Variants in SETD1A observed in about 807,000 individuals in gnomAD.
The protein encoded by SETD1A is SET domain containing 1A, histone lysine methyltransferase.
SETD1A carries 29 observed loss-of-function variants against 149.9 expected under a neutral mutation model. The ratio of observed to expected loss-of-function variants is 0.19; its 90% CI spans 0.14 to 0.26. The LOEUF is 0.26. Ranked by LOEUF, SETD1A falls within the 10% of genes least tolerant of loss-of-function variation. The pLI, the probability that SETD1A is intolerant of heterozygous loss-of-function variation, is 1.00. For missense variants in SETD1A, 2,109 were observed against 2,353.1 expected (o/e 0.90, Z 2.15); for synonymous variants, 1,141 against 968.5 (o/e 1.18, Z -3.31).
In SETD1A at chr16:30,961,069, C is replaced by T. The variant is rs1410521420; in HGVS notation, c.247-198C>T. Among the ~76,000 whole-genome samples the T allele has an allele frequency of 2.0e-5, 3 of 151,996 alleles. No homozygotes were observed. The highest frequency in any genetic ancestry group is 7.3e-5 in the African/African-American group (3 of 41,366). ...AGTTTGCACATTTCTGTTCTTAATT[C>T]TTGCTGTTATTCTGTGGTGAGAAGA... On this transcript the variant is annotated intron_variant, in intron 3 of 18. Transcript: ENST00000262519. This position sits in a 1 kb window ranked among gnomAD's most constrained non-coding sequence, Gnocchi z 4.0.
At chr16:30,974,795 T>A (rs2056264676) in intron 13 of SETD1A, among the ~76,000 whole-genome samples, 1 of 151,626 alleles carries the variant, frequency 6.6e-6, no homozygotes, top group Non-Finnish European at 1.5e-5. Flanking sequence ...TCACTTGACG[T>A]CAGGAGTTCG....
chr16:30,976,441 G>A (rs756054935), intron 13 of SETD1A, among the ~76,000 whole-genome samples: 1 of 152,184 alleles, frequency 6.6e-6, no homozygotes, highest in Non-Finnish European at 1.5e-5. Context: ...AGTGAGGGGA[G>A]AAGAGGCTGC....
chr16:30,966,974 T>C lies in SETD1A; in HGVS notation c.2596T>C (p.Trp866Arg), dbSNP rs201166624. 6.3e-7 allele frequency: 1 copy of C among 1,592,448 alleles called. No homozygotes were observed. Among genetic ancestry groups the C allele is most frequent in the East Asian group, 2.3e-5 (1 of 44,078 alleles). Residue 866 changes from tryptophan to arginine, a missense_variant, in exon 9 of 19, where the codon TGG becomes CGG. This residue lies in a region of SETD1A where 832 missense variants were observed against 815.6 expected (regional missense o/e 1.02). Transcript: ENST00000262519. The stretch of plus-strand genomic sequence containing the variant: ...GCCTGGCCTGCTGTCCCTCGTGGAC[T>C]GGGCCAAGAGCGGGGGCACTACGGG... ...KEPGLLSLVD[W>R]AKSGGTTGIE...
chr16:30,980,390 A>C lies in SETD1A; in HGVS notation c.4409-95A>C. 6.7e-7 allele frequency: 1 copy of C among 1,494,056 alleles called. No individual in the cohort carries two copies. Among genetic ancestry groups the C allele is most frequent in the Middle Eastern group, 2.0e-4 (1 of 5,060 alleles). The allele number at this position is 1,494,056 out of a possible 1,614,324, so 92.5% of individuals were successfully genotyped here. Reference sequence around the variant, plus strand: ...GCTGGGGCTTCCTCCCCTGTCCCTCACCTGGGTATGCTCAGCGGCGTGGGC... The same window carrying C: ...GCTGGGGCTTCCTCCCCTGTCCCTCCCCTGGGTATGCTCAGCGGCGTGGGC... On this transcript the variant is annotated intron_variant, in intron 14 of 18. Coordinates refer to ENST00000262519, the MANE Select transcript of SETD1A (RefSeq NM_014712.3). The surrounding 1 kb of genome is among the most constrained non-coding windows in gnomAD (Gnocchi z 7.7).
intron 3 of SETD1A, 108 bp downstream of exon 3, chr16:30,959,294 A>T: frequency 1.3e-6 from 1 of 790,774 alleles, no homozygotes; most frequent in Non-Finnish European, 2.2e-6. Context: ...TCTCAGCCAG[A>T]TCTAGCAACC....
Position 30,965,239 on chromosome 16 carries a change from G to C in SETD1A, c.1497G>C (p.Gln499His). 1 of 1,614,248 alleles carries C rather than the reference G, an allele frequency of 6.2e-7. No homozygotes were observed. The highest frequency in any genetic ancestry group is 8.5e-7 in the Non-Finnish European group (1 of 1,180,038). Residue 499 changes from glutamine to histidine, a missense_variant, in exon 7 of 19, where the codon CAG (glutamine) becomes CAC (histidine). Transcript: ENST00000262519. ...GCATCGAGATGCTGCTGAAGGAGCA[G>C]CGCTCCAAGTTTTCCTTCTTGGCCT... ...DSRIEMLLKE[Q>H]RSKFSFLASD... is the part of the protein sequence containing the mutation.
chr16:30,958,012 GCGCCGC>G (rs1201272821), intron 1 of SETD1A, 48 bp downstream of exon 1: 5 of 151,612 alleles, frequency 3.3e-5, no homozygotes, highest in Non-Finnish European at 7.4e-5. Flanking sequence ...TGGTGGGGGG[GCGCCGC>G]CGCCGCCACC....
At chr16:30,976,635 T>C (rs778468800) in intron 13 of SETD1A, among the ~76,000 whole-genome samples, 2 of 151,884 alleles carry the variant, frequency 1.3e-5, no homozygotes, top group Non-Finnish European at 2.9e-5. Flanking sequence ...GCAGACTGAA[T>C]GGACAGTGGG....
Position 30,965,849 on chromosome 16 carries a change from C to T in SETD1A, c.1968C>T (p.Ile656=), listed in dbSNP as rs2056136135. ...YPPPPPPPPH[I]YDFVNSLELM... is the part of the protein sequence containing the mutation. ...CACCTCCTCCACCACCCCCGCACATCTATGACTTTGTGAACTCCTTGGAGC... is the reference window on the plus strand; with the variant it reads ...CACCTCCTCCACCACCCCCGCACATTTATGACTTTGTGAACTCCTTGGAGC... The change falls in exon 8 of 19, where the codon ATC becomes ATT. Residue 656 remains isoleucine, a synonymous_variant. Coordinates refer to ENST00000262519, the MANE Select transcript of SETD1A (RefSeq NM_014712.3). The T allele has an allele frequency of 3.1e-6, 5 of 1,609,718 alleles. No individual in the cohort carries two copies. Among genetic ancestry groups the T allele is most frequent in the East Asian group, 4.5e-5 (2 of 44,784 alleles).
At chr16:30,982,911 G>A (rs1294263607) in intron 17 of SETD1A, among the ~76,000 whole-genome samples, 4 of 152,186 alleles carry the variant, frequency 2.6e-5, no homozygotes, top group Non-Finnish European at 5.9e-5. Flanking sequence ...CAGTGAGATG[G>A]GTGTGAGGAG....
rs182625388 is a variant in SETD1A, at chr16:30,961,602, G to A, written c.517+65G>A. ...GCGGAGGTTGTACATGCAAATGCCT[G>A]TCAGGGTCAGGCAGGCGCCCAGGGT... is the stretch of plus-strand genomic sequence containing the variant. On this transcript the variant is annotated intron_variant, in intron 4 of 18. Coordinates refer to ENST00000262519, the MANE Select transcript of SETD1A (RefSeq NM_014712.3). The surrounding 1 kb of genome is among the most constrained non-coding windows in gnomAD (Gnocchi z 4.0). The A allele has an allele frequency of 1.6e-4, 238 of 1,528,624 alleles. 1 individual carries two copies. In the African/African-American group the frequency reaches 3.1e-3, roughly 20 times the overall value. 94.7% of individuals were successfully genotyped at this position (1,528,624 alleles called of 1,614,324 possible). A position where few individuals can be genotyped will look rare whatever the true frequency, so the allele number is the denominator to read the frequency against.
At position 30,979,128 on chromosome 16, in the gene SETD1A, A is replaced by G. The variant is rs977437214; in HGVS notation, c.3359-17A>G. The G allele has an allele frequency of 3.3e-6, 5 of 1,530,760 alleles. No homozygotes were observed. Among genetic ancestry groups the G allele is most frequent in the African/African-American group, 1.4e-5 (1 of 72,914 alleles). The allele number at this position is 1,530,760 out of a possible 1,614,324, so 94.8% of individuals were successfully genotyped here. On this transcript the variant is annotated splice_polypyrimidine_tract_variant and intron_variant, in intron 13 of 18. Transcript: ENST00000262519. ...GTCTCCCTGACCTCCTTTCCTTCCTATGTGCTTCCTTCCCAGGCCCCACGG... is the reference window on the plus strand; with the variant it reads ...GTCTCCCTGACCTCCTTTCCTTCCTGTGTGCTTCCTTCCCAGGCCCCACGG...
chr16:30,969,458 A>T lies in SETD1A; in HGVS notation c.2924A>T (p.Glu975Val). Residue 975 changes from glutamate (E) to valine (V), a missense_variant, in exon 11 of 19, where the codon GAG (glutamate) becomes GTG (valine). Glu to Val is a moderately radical substitution (Grantham distance 121, BLOSUM62 -2). Coordinates refer to ENST00000262519, the MANE Select transcript of SETD1A (RefSeq NM_014712.3). The part of the protein sequence containing the change: ...GEEASQESSS[E>V]KDEEDDEEDE... ...GAGGCATCCCAGGAGTCCTCCTCGG[A>T]GAAGGTGAGGGCCCGGGCGCCGGCT... 1.9e-6 allele frequency: 3 copies of T among 1,610,298 alleles called. No homozygotes were observed.
Position 30,966,047 on chromosome 16 carries a change from G to T in SETD1A, c.2166G>T (p.Gln722His), listed in dbSNP as rs911978794. 1.9e-6 allele frequency: 3 copies of T among 1,570,174 alleles called. No homozygotes were observed. The African/African-American group carries it at 4.1e-5, about 21-fold the overall frequency. The change falls in exon 8 of 19, where the codon CAG becomes CAT. Residue 722 changes from glutamine (Q) to histidine (H), a missense_variant. Coordinates refer to ENST00000262519, the MANE Select transcript of SETD1A (RefSeq NM_014712.3). ...CCTTCCTCCCGTTTCCACCCCCGCA[G>T]GAGGCAGCCTACGGCTTGCCGTATG... ...GEAFLPFPPP[Q>H]EAAYGLPYAL...
intron 13 of SETD1A, among the ~76,000 whole-genome samples, chr16:30,972,841 G>A (rs1027884705): frequency 4.0e-5 from 6 of 151,374 alleles, no homozygotes; most frequent in Admixed American, 6.6e-5. Context: ...GTGGCAGAGC[G>A]AGACCCTGTC....
At chr16:30,977,335 G>A (rs1441063897) in intron 13 of SETD1A, among the ~76,000 whole-genome samples, 2 of 152,236 alleles carry the variant, frequency 1.3e-5, no homozygotes, top group Non-Finnish European at 2.9e-5. Context: ...CCCTGGGGAG[G>A]GGCAGGTTAT....
Position 30,964,736 on chromosome 16 carries a change from G to A in SETD1A, c.994G>A (p.Ala332Thr). 6.2e-7 allele frequency: 1 copy of A among 1,614,168 alleles called. No individual in the cohort carries two copies. ...TASTAIAATT[A>T]ATASSSASSS... The stretch of plus-strand genomic sequence containing the variant: ...CTCCACGGCCATCGCCGCCACCACT[G>A]CAGCCACTGCCTCATCCTCCGCCTC... Residue 332 changes from alanine (A) to threonine (T), a missense_variant, in exon 7 of 19, where the codon GCA becomes ACA. Ala to Thr is a moderately conservative substitution (Grantham distance 58). This residue lies in a region of SETD1A where 410 missense variants were observed against 394.8 expected (regional missense o/e 1.04). Transcript: ENST00000262519.
rs1244581833 is a variant in SETD1A at position 30,959,147 on chromosome 16, C to T, written c.207C>T (p.Ser69=). 3 of 1,613,514 alleles carry T rather than the reference C, an allele frequency of 1.9e-6. No individual in the cohort carries two copies. Among genetic ancestry groups the T allele is most frequent in the African/African-American group, 2.7e-5 (2 of 74,876 alleles). Residue 69 remains serine, a synonymous_variant, in exon 3 of 19, where the codon TCC becomes TCT. Coordinates refer to ENST00000262519, the MANE Select transcript of SETD1A (RefSeq NM_014712.3). Reference sequence around the variant, plus strand: ...AAGACCCCCGTTGCCATGTCAGGTCCAAAAACAGAGACTTTTCCCTCCCAG... The same window carrying T: ...AAGACCCCCGTTGCCATGTCAGGTCTAAAAACAGAGACTTTTCCCTCCCAG... ...DLQDPRCHVR[S]KNRDFSLPVP...
At position 30,980,233 on chromosome 16, in the gene SETD1A, C is replaced by T. The variant is rs2143585604; in HGVS notation, c.4408+39C>T. 1 of 1,550,834 alleles carries T rather than the reference C, an allele frequency of 6.4e-7. No homozygotes were observed. The highest frequency in any genetic ancestry group is 8.7e-7 in the Non-Finnish European group (1 of 1,147,476). ...GGGCGGCCTTCCCCGGGCTTGGGTC[C>T]TCCCCCGACCCCTCCAGGCACCTGC... On this transcript the variant is annotated intron_variant, in intron 14 of 18. Coordinates refer to ENST00000262519, the MANE Select transcript of SETD1A (RefSeq NM_014712.3). The surrounding 1 kb of genome is among the most constrained non-coding windows in gnomAD (Gnocchi z 7.7).
Sources: allele counts gnomAD v4.1 joint callset (sites outside exome capture counted in the v4.1 genomes callset), GRCh38; gene constraint gnomAD v4.1.1; regional missense constraint gnomAD v4.1.1; non-coding constraint Gnocchi (gnomAD v3.1); transcripts MANE v1.5; gene names NCBI Gene and HGNC (gene_info 2026-07-23, HGNC 2026-07-21).